AGAP1: variants seen among roughly 807,000 people sequenced by gnomAD.
The protein encoded by AGAP1 is ArfGAP with GTPase domain, ankyrin repeat and PH domain 1.
In AGAP1, 29 loss-of-function variants were observed where a neutral mutation model predicts 105.3. The observed-to-expected ratio is 0.28, with a 90% confidence interval of 0.21 to 0.38. The LOEUF (loss-of-function observed/expected upper bound fraction) is 0.38. Ranked by LOEUF, AGAP1 falls within the 10% of genes least tolerant of loss-of-function variation. The pLI is 1.00. For missense variants in AGAP1, 998 were observed against 1,165.1 expected, an observed-to-expected ratio of 0.86 and a Z score of 2.09; for synonymous variants, 509 against 485.9, an observed-to-expected ratio of 1.05 and a Z score of -0.63.
chr2:235,587,307 CAG>C (rs1305118170), intron 1 of AGAP1, among the ~76,000 whole-genome samples: 3 of 152,110 alleles, frequency 2.0e-5, no homozygotes, highest in Non-Finnish European at 4.4e-5. Context: ...CAGAGAGTGA[CAG>C]AGATTGAGAG....
intron 1 of AGAP1, among the ~76,000 whole-genome samples, chr2:235,681,891 C>T (rs1352382202): frequency 1.8e-4 from 25 of 140,342 alleles, no homozygotes; most frequent in Non-Finnish European, 3.5e-4. Flanking sequence ...CACTCCGTCA[C>T]GCAGGCTGGA....
chr2:235,594,883 G>GTTTTTTTTT (rs34386154), intron 1 of AGAP1, among the ~76,000 whole-genome samples: 20 of 109,894 alleles, frequency 1.8e-4, no homozygotes, highest in African/African-American at 2.9e-4. Context: ...CCAGATTGCT[G>GTTTTTTTTT]TTTTTTTTTT....
chr2:235,733,892 A>G lies in AGAP1; in HGVS notation c.311-7071A>G, dbSNP rs1405961112. 1.3e-5 allele frequency among the ~76,000 whole-genome samples: 2 copies of G among 152,206 alleles called. No homozygotes were observed. The highest frequency in any genetic ancestry group is 4.8e-5 in the African/African-American group (2 of 41,450). ...AATCTGATTTGGCTAAATTTTGTAA[A>G]CAAAGATGTTACCAATAAAACCTTT... is the stretch of plus-strand genomic sequence containing the variant. On this transcript the variant is annotated intron_variant, in intron 3 of 17. Coordinates refer to ENST00000304032, the MANE Select transcript of AGAP1 (RefSeq NM_001037131.3). The surrounding 1 kb of genome is among the most constrained non-coding windows in gnomAD (Gnocchi z 5.0).
At chr2:235,774,739 A>G (rs544953612) in intron 6 of AGAP1, among the ~76,000 whole-genome samples, 94 of 152,312 alleles carry the variant, frequency 6.2e-4, no homozygotes, top group African/African-American at 2.2e-3. Context: ...GGTCTTTTCA[A>G]TGACGTCTCA....
rs1290937990 is a variant in AGAP1 at position 235,799,573 on chromosome 2, A to G, written c.957+51A>G. On this transcript the variant is annotated intron_variant, in intron 8 of 17. Coordinates refer to ENST00000304032, the MANE Select transcript of AGAP1 (RefSeq NM_001037131.3). This position sits in a 1 kb window ranked among gnomAD's most constrained non-coding sequence, Gnocchi z 5.0. ...TTGAATGCGATTCCGAAGCGTTCCC[A>G]TTAACGTAAACCTGGTTGCCACATG... 8.2e-6 allele frequency: 13 copies of G among 1,592,730 alleles called. No homozygotes were observed. Among genetic ancestry groups the G allele is most frequent in the East Asian group, 2.2e-5 (1 of 44,574 alleles).
At position 236,119,126 on chromosome 2, in the gene AGAP1, G is replaced by A. The variant is rs1470313812; in HGVS notation, c.2115-1066G>A. On this transcript the variant is annotated intron_variant, in intron 16 of 17. Coordinates refer to ENST00000304032, the MANE Select transcript of AGAP1 (RefSeq NM_001037131.3). This position sits in a 1 kb window ranked among gnomAD's most constrained non-coding sequence, Gnocchi z 6.6. ...GGAGACCATGTATTACACTGGCCAG[G>A]TCGGGCAGCCCCATCTCAGCCAGGT... Among the ~76,000 whole-genome samples, 1 of 152,054 alleles carries A rather than the reference G, an allele frequency of 6.6e-6. No homozygotes were observed. Among genetic ancestry groups the A allele is most frequent in the Non-Finnish European group, 1.5e-5 (1 of 68,016 alleles).
At chr2:235,812,883 G>T (rs957615259) in intron 9 of AGAP1, among the ~76,000 whole-genome samples, 3 of 152,226 alleles carry the variant, frequency 2.0e-5, no homozygotes, top group Non-Finnish European at 4.4e-5. Context: ...GGGCGTAGGG[G>T]CCCGTTTTGC....
chr2:235,977,880 G>A lies in AGAP1; in HGVS notation c.1645+9257G>A, dbSNP rs1357463810. Among the ~76,000 whole-genome samples, 1 of 152,168 alleles carries A rather than the reference G, an allele frequency of 6.6e-6. No individual in the cohort carries two copies. The highest frequency in any genetic ancestry group is 1.5e-5 in the Non-Finnish European group (1 of 68,034). On this transcript the variant is annotated intron_variant, in intron 13 of 17. Coordinates refer to ENST00000304032, the MANE Select transcript of AGAP1 (RefSeq NM_001037131.3). This position sits in a 1 kb window ranked among gnomAD's most constrained non-coding sequence, Gnocchi z 5.2. Reference sequence around the variant, plus strand: ...CTGCCATATCAAAATGCCACAGACTGGGGGCTTAACCAGCAGAAACTCATT... The same window carrying A: ...CTGCCATATCAAAATGCCACAGACTAGGGGCTTAACCAGCAGAAACTCATT...
In AGAP1 at chr2:235,535,043, C is replaced by T. The variant is rs995685787; in HGVS notation, c.163+40194C>T. 6.6e-6 allele frequency among the ~76,000 whole-genome samples: 1 copy of T among 152,152 alleles called. No individual in the cohort carries two copies. Among genetic ancestry groups the T allele is most frequent in the South Asian group, 2.1e-4 (1 of 4,812 alleles). On this transcript the variant is annotated intron_variant, in intron 1 of 17. Coordinates refer to ENST00000304032, the MANE Select transcript of AGAP1 (RefSeq NM_001037131.3). The surrounding 1 kb of genome is among the most constrained non-coding windows in gnomAD (Gnocchi z 5.1). Reference sequence around the variant, plus strand: ...TGCCTCTCACCTATTCCCAGATACTCGCTGGAGTTGGAGCACACATGTCTG... The same window carrying T: ...TGCCTCTCACCTATTCCCAGATACTTGCTGGAGTTGGAGCACACATGTCTG...
rs1318568869 is a variant in AGAP1, at chr2:235,517,353, C to T, written c.163+22504C>T. Among the ~76,000 whole-genome samples the T allele has an allele frequency of 6.6e-6, 1 of 152,184 alleles. No individual in the cohort carries two copies. Among genetic ancestry groups the T allele is most frequent in the Non-Finnish European group, 1.5e-5 (1 of 68,042 alleles). On this transcript the variant is annotated intron_variant, in intron 1 of 17. Coordinates refer to ENST00000304032, the MANE Select transcript of AGAP1 (RefSeq NM_001037131.3). The surrounding 1 kb of genome is among the most constrained non-coding windows in gnomAD (Gnocchi z 4.1). ...ATACTGCGCAGTCCGTACAGCATCC[C>T]TCCCTCCCTGGTGGTTTCTGAGGAT...
At chr2:235,896,696 G>A (rs2050823065) in intron 10 of AGAP1, among the ~76,000 whole-genome samples, 5 of 152,224 alleles carry the variant, frequency 3.3e-5, no homozygotes, top group Admixed American at 2.6e-4. Context: ...TCATTCATGT[G>A]ACCTGTTTGA....
rs2149584216 is a variant in AGAP1, at chr2:235,725,538, G to T, written c.310+7894G>T. ...AAAAAAAAACACCTGTAATACTCCA[G>T]TAACATTTGACTAGTCGTGAAATCT... is the stretch of plus-strand genomic sequence containing the variant. On this transcript the variant is annotated intron_variant, in intron 3 of 17. Coordinates refer to ENST00000304032, the MANE Select transcript of AGAP1 (RefSeq NM_001037131.3). This position sits in a 1 kb window ranked among gnomAD's most constrained non-coding sequence, Gnocchi z 5.7. Among the ~76,000 whole-genome samples the T allele has an allele frequency of 6.6e-6, 1 of 151,032 alleles. No individual in the cohort carries two copies. The highest frequency in any genetic ancestry group is 6.6e-5 in the Admixed American group (1 of 15,170).
chr2:235,619,741 C>T (rs978198449), intron 1 of AGAP1, among the ~76,000 whole-genome samples: 7 of 152,222 alleles, frequency 4.6e-5, no homozygotes, highest in Admixed American at 6.5e-5. Flanking sequence ...TGCTGGAGAT[C>T]AGCAACACCA....
Position 236,012,936 on chromosome 2 carries a change from G to C in AGAP1, c.1646-23625G>C, listed in dbSNP as rs577191093. Among the ~76,000 whole-genome samples, 1 of 152,052 alleles carries C rather than the reference G, an allele frequency of 6.6e-6. No homozygotes were observed. Among genetic ancestry groups the C allele is most frequent in the Non-Finnish European group, 1.5e-5 (1 of 68,028 alleles). On this transcript the variant is annotated intron_variant, in intron 13 of 17. Transcript: ENST00000304032. The surrounding 1 kb of genome is among the most constrained non-coding windows in gnomAD (Gnocchi z 4.9). ...TAATTTTTGTATTTTTAGTAGAGACGGTGTTTTGCCATGTTGGCCAGGCTG... is the reference window on the plus strand; with the variant it reads ...TAATTTTTGTATTTTTAGTAGAGACCGTGTTTTGCCATGTTGGCCAGGCTG...
chr2:236,109,843 G>T lies in AGAP1; in HGVS notation c.2115-10349G>T, dbSNP rs201844520. Among the ~76,000 whole-genome samples the T allele has an allele frequency of 5.3e-4, 81 of 152,350 alleles. 1 individual carries two copies. Among genetic ancestry groups the T allele is most frequent in the South Asian group, 2.1e-4 (1 of 4,828 alleles). On this transcript the variant is annotated intron_variant, in intron 16 of 17. Coordinates refer to ENST00000304032, the MANE Select transcript of AGAP1 (RefSeq NM_001037131.3). This position sits in a 1 kb window ranked among gnomAD's most constrained non-coding sequence, Gnocchi z 5.4. ...ACGGGCAGCTTACAGCTGCCCCATT[G>T]GGGGGCACACCTCTAGATTCTTCCT... is the stretch of plus-strand genomic sequence containing the variant.
At chr2:235,922,742 C>G (rs1430034648) in intron 11 of AGAP1, among the ~76,000 whole-genome samples, 4 of 152,168 alleles carry the variant, frequency 2.6e-5, no homozygotes, top group African/African-American at 7.2e-5. Context: ...AATAGAAAAC[C>G]AGCATCTTTT....
intron 8 of AGAP1, among the ~76,000 whole-genome samples, chr2:235,806,092 T>G (rs781543320): frequency 6.6e-6 from 1 of 152,238 alleles, no homozygotes; most frequent in African/African-American, 2.4e-5. Context: ...GTTTGTATTA[T>G]GACCCATGAC....
chr2:235,728,301 C>CTGTGTGTGTGTG lies in AGAP1; in HGVS notation c.310+10672_310+10683dup, dbSNP rs143714801. 2.5e-4 allele frequency among the ~76,000 whole-genome samples: 37 copies of CTGTGTGTGTGTG among 148,622 alleles called. No individual in the cohort carries two copies. Among genetic ancestry groups the CTGTGTGTGTGTG allele is most frequent in the African/African-American group, 8.9e-4 (36 of 40,268 alleles). On this transcript the variant is annotated intron_variant, in intron 3 of 17. Transcript: ENST00000304032. The surrounding 1 kb of genome is among the most constrained non-coding windows in gnomAD (Gnocchi z 4.3). ...ATCTGAAAAGGACTGGGCCCAGACT[C>CTGTGTGTGTGTG]TGTGTGTGTGTGTGTGTGTGTGTGT...
At chr2:235,815,181 T>C (rs542852995) in intron 9 of AGAP1, among the ~76,000 whole-genome samples, 7 of 152,284 alleles carry the variant, frequency 4.6e-5, no homozygotes, top group Admixed American at 1.3e-4. Context: ...ACACAGCGCA[T>C]GAGTCCCCAG....
Sources: allele counts gnomAD v4.1 joint callset (sites outside exome capture counted in the v4.1 genomes callset), GRCh38; gene constraint gnomAD v4.1.1; non-coding constraint Gnocchi (gnomAD v3.1); transcripts MANE v1.5; gene names NCBI Gene and HGNC (gene_info 2026-07-23, HGNC 2026-07-21).